Variants in ADAMTS6 observed in about 807,000 individuals in gnomAD.
The protein encoded by ADAMTS6 is A disintegrin and metalloproteinase with thrombospondin motifs 6.
Under a neutral mutation model 144.3 loss-of-function variants are expected in ADAMTS6, and 23 were observed. The ratio of observed to expected loss-of-function variants is 0.16; its 90% CI spans 0.11 to 0.23. The LOEUF (loss-of-function observed/expected upper bound fraction) is 0.23. ADAMTS6 is among the 10% of genes least tolerant of loss of function. The probability of loss-of-function intolerance (pLI) is 1.00; values close to 1 mark genes in which losing one functional copy is unlikely to be tolerated. For missense variants in ADAMTS6, 999 were observed against 1,379.6 expected (o/e 0.72, Z 4.37); for synonymous variants, 444 against 457.5 (o/e 0.97, Z 0.38).
At chr5:65,284,791 G>A (rs1763240163) in intron 11 of ADAMTS6, among the ~76,000 whole-genome samples, 1 of 151,988 alleles carries the variant, frequency 6.6e-6, no homozygotes, top group Admixed American at 6.6e-5. Context: ...AAGTCTTAAA[G>A]TTATGTCATA....
chr5:65,436,007 C>T (rs1470393929), intron 7 of ADAMTS6, among the ~76,000 whole-genome samples: 8 of 151,958 alleles, frequency 5.3e-5, no homozygotes, highest in Non-Finnish European at 4.4e-5. Flanking sequence ...GATGGTAGTC[C>T]GTATTGTCTA....
At chr5:65,388,088 T>C (rs1752619829) in intron 7 of ADAMTS6, among the ~76,000 whole-genome samples, 1 of 152,052 alleles carries the variant, frequency 6.6e-6, no homozygotes, top group Non-Finnish European at 1.5e-5. Flanking sequence ...CAGGTGCCTG[T>C]AATCCCAGCT....
At chr5:65,275,164 G>A (rs1450011537) in intron 11 of ADAMTS6, among the ~76,000 whole-genome samples, 1 of 125,618 alleles carries the variant, frequency 8.0e-6, no homozygotes. Flanking sequence ...AAGTTGCAGT[G>A]AACTGCACCA....
At chr5:65,261,375 A>G (rs1400707403) in intron 13 of ADAMTS6, among the ~76,000 whole-genome samples, 1 of 152,206 alleles carries the variant, frequency 6.6e-6, no homozygotes, top group Non-Finnish European at 1.5e-5. Context: ...GCATACTACC[A>G]TTGAGTGATA....
At chr5:65,152,075 G>T in intron 24 of ADAMTS6, 130 bp from the exon 25 acceptor site, 4 of 655,536 alleles carry the variant, frequency 6.1e-6, no homozygotes, top group South Asian at 2.3e-5. Context: ...ACCTCCATGT[G>T]GTTTTTGTTT....
At chr5:65,167,324 C>T (rs1384667485) in intron 24 of ADAMTS6, among the ~76,000 whole-genome samples, 1 of 152,176 alleles carries the variant, frequency 6.6e-6, no homozygotes, top group Non-Finnish European at 1.5e-5. Context: ...CCTCCCAAGA[C>T]TAAACCAGGA....
chr5:65,330,072 G>C lies in ADAMTS6; in HGVS notation c.1118-589C>G, dbSNP rs144844351. On this transcript the variant is annotated intron_variant, in intron 8 of 24. Coordinates refer to ENST00000381055, the MANE Select transcript of ADAMTS6 (RefSeq NM_197941.4). ...GACAGTGATGCAACAATTTCTTTTA[G>C]TATTTTAATAGGAGGAAAGTCATTC... Among the ~76,000 whole-genome samples, 1,069 of 152,056 alleles carry C rather than the reference G, an allele frequency of 7.0e-3. 9 individuals are homozygous for C. Among genetic ancestry groups the C allele is most frequent in the Middle Eastern group, 0.048 (14 of 294 alleles).
At chr5:65,374,149 A>G (rs887867921) in intron 7 of ADAMTS6, among the ~76,000 whole-genome samples, 1 of 152,198 alleles carries the variant, frequency 6.6e-6, no homozygotes, top group African/African-American at 2.4e-5. Context: ...CACAGCCAAT[A>G]TCATACTGAA....
At position 65,405,251 on chromosome 5, in the gene ADAMTS6, T is replaced by C. The variant is rs1754344281; in HGVS notation, c.1073+46224A>G. On this transcript the variant is annotated intron_variant, in intron 7 of 24. Coordinates refer to ENST00000381055, the MANE Select transcript of ADAMTS6 (RefSeq NM_197941.4). ...TATATCCTGAATGGTACTGCCTAGGTTTTCTTCTAGGGTTTTTATGGATTT... is the reference window on the plus strand; with the variant it reads ...TATATCCTGAATGGTACTGCCTAGGCTTTCTTCTAGGGTTTTTATGGATTT... 2.0e-5 allele frequency among the ~76,000 whole-genome samples: 3 copies of C among 152,276 alleles called. No individual in the cohort carries two copies. The South Asian group carries it at 6.2e-4, about 32-fold the overall frequency.
chr5:65,306,689 C>A (rs928234409), intron 9 of ADAMTS6, among the ~76,000 whole-genome samples: 2 of 152,174 alleles, frequency 1.3e-5, no homozygotes, highest in African/African-American at 4.8e-5. Flanking sequence ...AGAATCCTAT[C>A]TGCACCACAT....
At position 65,227,857 on chromosome 5, in the gene ADAMTS6, C is replaced by T. The variant is rs78241840; in HGVS notation, c.1934-1638G>A. On this transcript the variant is annotated intron_variant, in intron 15 of 24. Transcript: ENST00000381055. Reference sequence around the variant, plus strand: ...ATTCAAAGTTTTGTTACAAAAAATACTGTGGGAGGCTAAAATATGTATGTA... The same window carrying T: ...ATTCAAAGTTTTGTTACAAAAAATATTGTGGGAGGCTAAAATATGTATGTA... Among the ~76,000 whole-genome samples the T allele has an allele frequency of 2.7e-3, 415 of 152,120 alleles. 2 individuals carry two copies. The highest frequency in any genetic ancestry group is 9.6e-3 in the African/African-American group (399 of 41,516).
At chr5:65,252,470 T>G (rs1438168850) in intron 14 of ADAMTS6, among the ~76,000 whole-genome samples, 1 of 151,920 alleles carries the variant, frequency 6.6e-6, no homozygotes, top group Admixed American at 6.6e-5. Flanking sequence ...CTTGAACTCC[T>G]GACCTCATGA....
At position 65,239,938 on chromosome 5, in the gene ADAMTS6, C is replaced by A. The variant is rs564894312; in HGVS notation, c.1933+2166G>T. On this transcript the variant is annotated intron_variant, in intron 15 of 24. Transcript: ENST00000381055. ...ACAATCACTTTGGAAAAACATCTGG[C>A]AGTTTCTTTTAAAACTAAACTAAAT... 5.3e-5 allele frequency among the ~76,000 whole-genome samples: 8 copies of A among 152,272 alleles called. No homozygotes were observed. The South Asian group carries it at 1.5e-3, about 28-fold the overall frequency.
intron 14 of ADAMTS6, among the ~76,000 whole-genome samples, chr5:65,254,589 T>C (rs1760490680): frequency 6.6e-6 from 1 of 152,220 alleles, no homozygotes; most frequent in Non-Finnish European, 1.5e-5. Context: ...CCTATGATGC[T>C]GCACGTGGCC....
At chr5:65,277,364 G>A (rs1762622634) in intron 11 of ADAMTS6, among the ~76,000 whole-genome samples, 1 of 152,208 alleles carries the variant, frequency 6.6e-6, no homozygotes, top group African/African-American at 2.4e-5. Flanking sequence ...AAATGGCATG[G>A]ATTGGTATTG....
intron 7 of ADAMTS6, among the ~76,000 whole-genome samples, chr5:65,376,202 G>A (rs1213160615): frequency 6.6e-6 from 1 of 152,082 alleles, no homozygotes; most frequent in Admixed American, 6.6e-5. Context: ...CATGGCACAT[G>A]TATACATATG....
intron 9 of ADAMTS6, among the ~76,000 whole-genome samples, chr5:65,313,382 T>C (rs1007343298): frequency 2.7e-4 from 41 of 152,088 alleles, no homozygotes; most frequent in Admixed American, 6.5e-5. Flanking sequence ...TATGTCCACA[T>C]TATGTGAATG....
intron 7 of ADAMTS6, among the ~76,000 whole-genome samples, chr5:65,408,993 T>C (rs1327678205): frequency 2.0e-5 from 3 of 152,146 alleles, no homozygotes; most frequent in Non-Finnish European, 4.4e-5. Context: ...GGGAGACATT[T>C]AAAGCAGTGT....
At chr5:65,432,992 C>A (rs189306612) in intron 7 of ADAMTS6, among the ~76,000 whole-genome samples, 10 of 152,210 alleles carry the variant, frequency 6.6e-5, no homozygotes, top group Admixed American at 5.9e-4. Flanking sequence ...CCACTCTTTC[C>A]CCTCTAAAAA....
Sources: allele counts gnomAD v4.1 joint callset (sites outside exome capture counted in the v4.1 genomes callset), GRCh38; gene constraint gnomAD v4.1.1; transcripts MANE v1.5; gene names NCBI Gene and HGNC (gene_info 2026-07-23, HGNC 2026-07-21).